Variants in MTUS2 observed in about 807,000 individuals in gnomAD.
MTUS2 encodes the protein microtubule-associated tumor suppressor candidate 2.
In MTUS2, 40 loss-of-function variants were observed where a neutral mutation model predicts 114.1. That is an observed-to-expected ratio of 0.35 (90% CI 0.27 to 0.46). MTUS2 has a LOEUF of 0.46. Among genes scored for constraint, MTUS2 ranks in the 20% least tolerant of loss-of-function variants. The pLI, the probability that MTUS2 is intolerant of heterozygous loss-of-function variation, is 1.00. For synonymous variants in MTUS2, 688 were observed against 672.0 expected (o/e 1.02, Z -0.37); for missense variants, 1,679 against 1,705.4 (o/e 0.98, Z 0.27).
rs148010565 is a variant in MTUS2, at chr13:29,344,361, T to C, written c.2906-14901T>C. Among the ~76,000 whole-genome samples, 39 of 152,280 alleles carry C rather than the reference T, an allele frequency of 2.6e-4. 1 individual carries two copies. The East Asian group carries it at 7.0e-3, about 27-fold the overall frequency. On this transcript the variant is annotated intron_variant, in intron 7 of 15. Coordinates refer to ENST00000612955, the MANE Select transcript of MTUS2 (RefSeq NM_001033602.4). ...TTAGGTGTATATACATTTAGGGTTG[T>C]GATATTTTCCTGTTGGACTAGTCCT...
chr13:29,098,133 C>T (rs1890253755), intron 4 of MTUS2, among the ~76,000 whole-genome samples: 2 of 152,120 alleles, frequency 1.3e-5, no homozygotes. Flanking sequence ...CAGACCAACT[C>T]TCATGCAGAG....
chr13:28,995,378 T>C (rs1270683996), intron 2 of MTUS2, among the ~76,000 whole-genome samples: 2 of 152,240 alleles, frequency 1.3e-5, no homozygotes, highest in Non-Finnish European at 2.9e-5. Context: ...GACTTGGCAA[T>C]GAGGGCTCTT....
intron 8 of MTUS2, among the ~76,000 whole-genome samples, chr13:29,396,944 C>T (rs993440863): frequency 5.3e-5 from 8 of 152,180 alleles, no homozygotes; most frequent in Non-Finnish European, 1.2e-4. Context: ...GTGGGTACCT[C>T]ATCCCTCTTA....
intron 1 of MTUS2, among the ~76,000 whole-genome samples, chr13:28,838,355 G>A (rs559076053): frequency 3.7e-4 from 56 of 152,298 alleles, no homozygotes; most frequent in African/African-American, 1.3e-3. Flanking sequence ...TGCATGCTTC[G>A]AATTAACATT....
chr13:29,020,773 G>A (rs1283896308), intron 2 of MTUS2, among the ~76,000 whole-genome samples: 1 of 151,474 alleles, frequency 6.6e-6, no homozygotes, highest in Non-Finnish European at 1.5e-5. Flanking sequence ...ATGTGTCCCA[G>A]CTCTGCCACT....
chr13:29,091,077 A>G (rs1450085417), intron 4 of MTUS2, among the ~76,000 whole-genome samples: 2 of 149,944 alleles, frequency 1.3e-5, no homozygotes, highest in East Asian at 2.0e-4. Context: ...CAGGGTTCCA[A>G]CCTCCTCCTC....
intron 2 of MTUS2, among the ~76,000 whole-genome samples, chr13:28,969,938 G>A (rs1244182106): frequency 6.6e-6 from 1 of 152,176 alleles, no homozygotes; most frequent in Non-Finnish European, 1.5e-5. Context: ...CTGCCAGCAT[G>A]CCTGGCTAAT....
Position 28,834,100 on chromosome 13 carries a change from A to G in MTUS2, c.-315-5678A>G, listed in dbSNP as rs186943344. Among the ~76,000 whole-genome samples the G allele has an allele frequency of 5.9e-5, 9 of 152,276 alleles. No homozygotes were observed. The East Asian group carries it at 1.5e-3, about 26-fold the overall frequency. On this transcript the variant is annotated intron_variant, in intron 1 of 15. Transcript: ENST00000612955. Reference sequence around the variant, plus strand: ...TATTATTAAGGTGACAGTGCTTCCCATATTGATCTGCAGATTTAATGTAAT... The same window carrying G: ...TATTATTAAGGTGACAGTGCTTCCCGTATTGATCTGCAGATTTAATGTAAT...
chr13:29,391,527 A>G (rs1471835879), intron 8 of MTUS2, among the ~76,000 whole-genome samples: 3 of 148,086 alleles, frequency 2.0e-5, no homozygotes, highest in Non-Finnish European at 3.0e-5. Flanking sequence ...CTGATTCTTT[A>G]TTCCACATGG....
intron 2 of MTUS2, among the ~76,000 whole-genome samples, chr13:28,927,098 A>G (rs905943712): frequency 6.6e-5 from 10 of 152,178 alleles, no homozygotes; most frequent in Admixed American, 1.3e-4. Context: ...CATTTATAGT[A>G]ATCAGATTTT....
intron 8 of MTUS2, among the ~76,000 whole-genome samples, chr13:29,401,420 T>C (rs1874333922): frequency 6.6e-6 from 1 of 152,234 alleles, no homozygotes; most frequent in Admixed American, 6.5e-5. Context: ...ATGGGTTTGA[T>C]TCATACTTAG....
intron 8 of MTUS2, among the ~76,000 whole-genome samples, chr13:29,369,991 C>G (rs1871071334): frequency 6.6e-6 from 1 of 152,104 alleles, no homozygotes; most frequent in African/African-American, 2.4e-5. Context: ...CAAAGATGGT[C>G]AATAGTAATT....
At chr13:28,904,473 G>A (rs1593287126) in intron 2 of MTUS2, among the ~76,000 whole-genome samples, 1 of 152,104 alleles carries the variant, frequency 6.6e-6, no homozygotes, top group Admixed American at 6.5e-5. Flanking sequence ...TCTACATATG[G>A]CTAGCCAGTT....
intron 4 of MTUS2, among the ~76,000 whole-genome samples, chr13:29,039,671 G>A (rs1887260425): frequency 6.6e-6 from 1 of 152,230 alleles, no homozygotes. Context: ...GTTGACAGAA[G>A]GGTGCTGTCT....
At chr13:29,372,329 G>T (rs532913406) in intron 8 of MTUS2, among the ~76,000 whole-genome samples, 1 of 152,142 alleles carries the variant, frequency 6.6e-6, no homozygotes, top group East Asian at 1.9e-4. Context: ...TCTGACTTGT[G>T]ACAATGAAGA....
intron 8 of MTUS2, among the ~76,000 whole-genome samples, chr13:29,432,242 T>C (rs1159258970): frequency 6.6e-6 from 1 of 152,048 alleles, no homozygotes; most frequent in Non-Finnish European, 1.5e-5. Context: ...GAAAGACTCG[T>C]CCACAGGTAT....
chr13:29,146,659 G>C (rs1331164135), intron 5 of MTUS2, among the ~76,000 whole-genome samples: 2 of 152,122 alleles, frequency 1.3e-5, no homozygotes, highest in Non-Finnish European at 2.9e-5. Context: ...TATCCAACAA[G>C]AAAGGCTACC....
chr13:29,256,016 T>C (rs1566093858), intron 5 of MTUS2, among the ~76,000 whole-genome samples: 3 of 152,346 alleles, frequency 2.0e-5, no homozygotes, highest in East Asian at 3.9e-4. Context: ...TTCATCTATG[T>C]AGGTGCTTAA....
At chr13:28,878,951 G>A (rs1878124989) in intron 2 of MTUS2, among the ~76,000 whole-genome samples, 1 of 152,190 alleles carries the variant, frequency 6.6e-6, no homozygotes, top group African/African-American at 2.4e-5. Flanking sequence ...CACTAACAGT[G>A]TAAAAGCATT....
Sources: gnomAD v4.1 joint callset for allele counts (sites outside exome capture counted in the v4.1 genomes callset) on GRCh38, gnomAD v4.1.1 for gene constraint, MANE v1.5 for transcripts, NCBI Gene and HGNC (gene_info 2026-07-23, HGNC 2026-07-21) for gene names.